RNF130: variants seen among roughly 807,000 people sequenced by gnomAD.
The protein encoded by RNF130 is ring finger protein 130.
In RNF130, 21 loss-of-function variants were observed where a neutral mutation model predicts 44.6. That is an observed-to-expected ratio of 0.47 (90% CI 0.33 to 0.68). RNF130 has a LOEUF of 0.68. Among genes scored for constraint, RNF130 ranks in the 30% least tolerant of loss-of-function variants. The pLI is 0.02. For missense variants in RNF130, 479 were observed against 560.6 expected (o/e 0.85, Z 1.47); for synonymous variants, 214 against 210.4 (o/e 1.02, Z -0.15).
chr5:179,959,362 T>C (rs1465266112), intron 8 of RNF130, among the ~76,000 whole-genome samples: 1 of 152,050 alleles, frequency 6.6e-6, no homozygotes, highest in Non-Finnish European at 1.5e-5. Flanking sequence ...TACTGAGCAC[T>C]CAAGCCTGTA....
At position 179,980,133 on chromosome 5, in the gene RNF130, T is replaced by C. The variant is rs748060372; in HGVS notation, c.761A>G (p.Asp254Gly). ...GAAGTTGTTTCATGACTGTACCTTG[T>C]CACCCTTCTTTACTGTCCTGGTTGT... Reference protein sequence around the residue: ...KLTTRTVKKGDKETDPDFDHC... With the variant: ...KLTTRTVKKGGKETDPDFDHC... The change falls in exon 4 of 9, where the codon GAC (aspartate) becomes GGC (glycine). Residue 254 changes from aspartate to glycine, a missense_variant. By Grantham distance (94) the Asp-to-Gly change is moderately conservative. Around this residue, in one of 3 missense-constraint regions of RNF130, gnomAD observed 180 missense variants for 275.1 expected, o/e 0.65. Transcript: ENST00000521389. The C allele has an allele frequency of 1.9e-6, 3 of 1,614,044 alleles. No individual in the cohort carries two copies. The highest frequency in any genetic ancestry group is 2.5e-6 in the Non-Finnish European group (3 of 1,179,888).
At chr5:179,948,426 T>C (rs985857777) in intron 7 of RNF130, among the ~76,000 whole-genome samples, 2 of 152,128 alleles carry the variant, frequency 1.3e-5, no homozygotes, top group African/African-American at 4.8e-5. Flanking sequence ...TCCCAGCACT[T>C]TGGGAGGCTG....
chr5:180,041,575 A>ATT (rs1764419050), intron 1 of RNF130, among the ~76,000 whole-genome samples: 1 of 152,164 alleles, frequency 6.6e-6, no homozygotes, highest in South Asian at 2.1e-4. Flanking sequence ...TTTCACATTT[A>ATT]TAACAGGTTC....
intron 6 of RNF130, among the ~76,000 whole-genome samples, chr5:179,969,866 C>T (rs113816511): frequency 0.019 from 2,920 of 152,272 alleles, 94 homozygotes; most frequent in African/African-American, 0.067. Context: ...TGACGGGCAC[C>T]TGCAATCCCA....
intron 7 of RNF130, chr5:179,964,501 A>G (rs1285970718): frequency 6.6e-6 from 1 of 152,252 alleles, no homozygotes; most frequent in Non-Finnish European, 1.5e-5. Flanking sequence ...ATGTTATACA[A>G]TAAAATTACC....
At chr5:180,028,369 C>A (rs1233568860) in intron 2 of RNF130, among the ~76,000 whole-genome samples, 2 of 152,154 alleles carry the variant, frequency 1.3e-5, no homozygotes, top group Non-Finnish European at 2.9e-5. Flanking sequence ...TAGAATCCAA[C>A]TCCCTCTCTC....
At chr5:180,032,775 T>C (rs1764159116) in intron 2 of RNF130, among the ~76,000 whole-genome samples, 1 of 152,230 alleles carries the variant, frequency 6.6e-6, no homozygotes, top group Non-Finnish European at 1.5e-5. Context: ...TGCTGTGCTT[T>C]TTCCAAAATG....
chr5:180,023,248 T>C (rs781401872), intron 2 of RNF130, among the ~76,000 whole-genome samples: 11 of 152,250 alleles, frequency 7.2e-5, no homozygotes, highest in Non-Finnish European at 1.5e-4. Flanking sequence ...TATGTAGATA[T>C]GCAGGAGTTA....
intron 3 of RNF130, among the ~76,000 whole-genome samples, chr5:180,004,262 G>A (rs1217831046): frequency 2.0e-5 from 3 of 152,096 alleles, no homozygotes; most frequent in East Asian, 1.9e-4. Context: ...CCCGTAATAC[G>A]CTACCCACTC....
At chr5:179,941,621 A>G (rs1469887811) in intron 7 of RNF130, among the ~76,000 whole-genome samples, 2 of 152,220 alleles carry the variant, frequency 1.3e-5, no homozygotes, top group Non-Finnish European at 2.9e-5. Context: ...GCCACAAGAA[A>G]AAAAGTAGTG....
intron 3 of RNF130, among the ~76,000 whole-genome samples, chr5:180,010,272 A>G (rs1421092745): frequency 2.1e-5 from 3 of 140,740 alleles, no homozygotes; most frequent in East Asian, 4.3e-4. Flanking sequence ...AAAAAAAAAA[A>G]GTATCTCAAG....
chr5:180,047,031 C>G (rs1188350770), intron 1 of RNF130, among the ~76,000 whole-genome samples: 1 of 152,088 alleles, frequency 6.6e-6, no homozygotes, highest in Admixed American at 6.5e-5. Flanking sequence ...GTGGTAATAT[C>G]CTGACTACGG....
chr5:179,974,525 A>C (rs116473066), intron 5 of RNF130, among the ~76,000 whole-genome samples: 2,630 of 152,308 alleles, frequency 0.017, 88 homozygotes, highest in African/African-American at 0.061. Context: ...ACGTGGCAAG[A>C]AGCAGGCAAT....
intron 2 of RNF130, among the ~76,000 whole-genome samples, chr5:180,022,643 G>A (rs1424456362): frequency 6.6e-6 from 1 of 152,164 alleles, no homozygotes; most frequent in Non-Finnish European, 1.5e-5. Flanking sequence ...GTGACTGAAG[G>A]TTCCCAGGCA....
intron 7 of RNF130, among the ~76,000 whole-genome samples, chr5:179,965,213 A>T (rs1267556077): frequency 6.6e-6 from 1 of 152,202 alleles, no homozygotes; most frequent in African/African-American, 2.4e-5. Flanking sequence ...ATATGCTGGC[A>T]GCATTTCCAC....
intron 3 of RNF130, among the ~76,000 whole-genome samples, chr5:180,010,386 G>C (rs1763565017): frequency 6.6e-6 from 1 of 151,180 alleles, no homozygotes; most frequent in African/African-American, 2.4e-5. Context: ...TTGAAACAGA[G>C]TCTCACTCTG....
intron 7 of RNF130, among the ~76,000 whole-genome samples, chr5:179,935,789 T>TC (rs397807929): frequency 2.0e-5 from 3 of 151,952 alleles, no homozygotes; most frequent in Admixed American, 2.0e-4. Context: ...ACTTTTTTTT[T>TC]AGTTGTTACC....
intron 1 of RNF130, among the ~76,000 whole-genome samples, chr5:180,051,011 C>G (rs2113159137): frequency 6.6e-6 from 1 of 152,168 alleles, no homozygotes; most frequent in Admixed American, 6.5e-5. Flanking sequence ...CTATGTTGCC[C>G]AGGCTGGTCT....
chr5:180,065,099 G>C (rs948187311), intron 1 of RNF130, among the ~76,000 whole-genome samples: 2 of 151,288 alleles, frequency 1.3e-5, no homozygotes, highest in African/African-American at 4.9e-5. Flanking sequence ...ACCAATGCTT[G>C]GAATTCATTT....
Sources: gnomAD v4.1 joint callset for allele counts (sites outside exome capture counted in the v4.1 genomes callset) on GRCh38, gnomAD v4.1.1 for gene constraint, gnomAD v4.1.1 regional missense constraint, MANE v1.5 for transcripts, NCBI Gene and HGNC (gene_info 2026-07-23, HGNC 2026-07-21) for gene names.